Variants in MIR2052HG observed in about 807,000 individuals in gnomAD.
MIR2052HG encodes MIR2052 host gene.
chr8:74,753,554 T>C (rs1809970179), intron 5 of MIR2052HG, among the ~76,000 whole-genome samples: 1 of 152,200 alleles, frequency 6.6e-6, no homozygotes, highest in Non-Finnish European at 1.5e-5. Context: ...ACTTTTCTTC[T>C]GTCTTTGAGA....
chr8:74,718,507 C>G (rs1168574569), intron 4 of MIR2052HG, among the ~76,000 whole-genome samples: 1 of 152,062 alleles, frequency 6.6e-6, no homozygotes, highest in African/African-American at 2.4e-5. Context: ...AAGGAGAGGG[C>G]ATACTTCTTC....
intron 2 of MIR2052HG, among the ~76,000 whole-genome samples, chr8:74,685,682 A>G (rs892741919): frequency 6.6e-6 from 1 of 152,106 alleles, no homozygotes; most frequent in African/African-American, 2.4e-5. Context: ...TATGGATCAG[A>G]AGAGCTAGCA....
In MIR2052HG at chr8:74,613,595, C is replaced by T. The variant is rs554572800; in HGVS notation, n.216+655C>T. Reference sequence around the variant, plus strand: ...CGCCTCCCGGGTTCAAGCAATTCTCCCTGCCTCAGCCTCCCAAGTAGCTGG... The same window carrying T: ...CGCCTCCCGGGTTCAAGCAATTCTCTCTGCCTCAGCCTCCCAAGTAGCTGG... On this transcript the variant is annotated intron_variant and non_coding_transcript_variant, in intron 2 of 6. Transcript: ENST00000523442. 9.2e-5 allele frequency among the ~76,000 whole-genome samples: 14 copies of T among 152,232 alleles called. No homozygotes were observed. The South Asian group carries it at 2.9e-3, about 32-fold the overall frequency.
intron 2 of MIR2052HG, among the ~76,000 whole-genome samples, chr8:74,652,363 A>G (rs1272244007): frequency 6.6e-6 from 1 of 152,162 alleles, no homozygotes; most frequent in Non-Finnish European, 1.5e-5. Context: ...TCACTTCTGC[A>G]GTGATGAAAA....
chr8:74,649,342 G>C (rs949790145), intron 2 of MIR2052HG, among the ~76,000 whole-genome samples: 1 of 151,950 alleles, frequency 6.6e-6, no homozygotes, highest in Non-Finnish European at 1.5e-5. Flanking sequence ...ATTTTTGTGT[G>C]TGTGATTTAG....
chr8:74,701,905 G>A (rs1470934667), intron 2 of MIR2052HG, among the ~76,000 whole-genome samples: 1 of 152,060 alleles, frequency 6.6e-6, no homozygotes, highest in Non-Finnish European at 1.5e-5. Context: ...CTTATGGCAT[G>A]CAATGACAAA....
chr8:74,659,076 T>C (rs1365596738), intron 2 of MIR2052HG, among the ~76,000 whole-genome samples: 1 of 152,260 alleles, frequency 6.6e-6, no homozygotes, highest in East Asian at 1.9e-4. Context: ...CGCACTGTTT[T>C]CTTTTTCCCC....
intron 1 of MIR2052HG, among the ~76,000 whole-genome samples, chr8:74,604,828 A>T (rs188873260): frequency 3.3e-5 from 5 of 152,038 alleles, no homozygotes; most frequent in African/African-American, 1.2e-4. Flanking sequence ...TCCTGACCTC[A>T]AGTGATCCTT....
intron 2 of MIR2052HG, among the ~76,000 whole-genome samples, chr8:74,619,438 G>C (rs1257828256): frequency 6.6e-6 from 1 of 152,122 alleles, no homozygotes; most frequent in African/African-American, 2.4e-5. Flanking sequence ...AATTATATTT[G>C]TCTATTCACA....
At chr8:74,628,086 C>T (rs1808459721) in intron 2 of MIR2052HG, among the ~76,000 whole-genome samples, 1 of 152,070 alleles carries the variant, frequency 6.6e-6, no homozygotes, top group South Asian at 2.1e-4. Flanking sequence ...TCATTGTTAA[C>T]ATGGGCACGA....
intron 2 of MIR2052HG, among the ~76,000 whole-genome samples, chr8:74,620,312 G>A (rs1204038924): frequency 2.0e-5 from 3 of 152,174 alleles, no homozygotes; most frequent in Non-Finnish European, 4.4e-5. Context: ...TACCATTCTG[G>A]GGTCTGGAGA....
chr8:74,756,921 G>C (rs908483817), intron 5 of MIR2052HG: 3 of 152,176 alleles, frequency 2.0e-5, no homozygotes, highest in African/African-American at 7.2e-5. Flanking sequence ...AGTACTCATT[G>C]GTCCTGGAGT....
At chr8:74,607,837 T>G (rs1280093998) in intron 1 of MIR2052HG, among the ~76,000 whole-genome samples, 1 of 152,224 alleles carries the variant, frequency 6.6e-6, no homozygotes, top group Non-Finnish European at 1.5e-5. Context: ...ACAGCCTTCC[T>G]GTCTTAAGGG....
intron 4 of MIR2052HG, among the ~76,000 whole-genome samples, chr8:74,706,605 T>C (rs1375090010): frequency 6.6e-6 from 1 of 152,082 alleles, no homozygotes; most frequent in Non-Finnish European, 1.5e-5. Flanking sequence ...TTCTCTTGTA[T>C]CATTGTTTCA....
intron 5 of MIR2052HG, among the ~76,000 whole-genome samples, chr8:74,756,017 A>G (rs1034577626): frequency 1.3e-5 from 2 of 152,188 alleles, no homozygotes; most frequent in Non-Finnish European, 2.9e-5. Flanking sequence ...CACCAGCAGC[A>G]CTGAGGTGGG....
chr8:74,604,203 G>A, intron 1 of MIR2052HG: 1 of 905,654 alleles, frequency 1.1e-6, no homozygotes, highest in Non-Finnish European at 1.9e-6. Flanking sequence ...GTCGGATGGT[G>A]AGAGTGATAT....
chr8:74,670,646 A>G (rs1016437131), intron 2 of MIR2052HG, among the ~76,000 whole-genome samples: 3 of 152,190 alleles, frequency 2.0e-5, no homozygotes, highest in African/African-American at 7.2e-5. Flanking sequence ...TAAACAAAAC[A>G]TGGAAGGACT....
intron 2 of MIR2052HG, among the ~76,000 whole-genome samples, chr8:74,654,596 T>G (rs1466682318): frequency 2.0e-5 from 3 of 152,178 alleles, no homozygotes; most frequent in African/African-American, 4.8e-5. Flanking sequence ...CATTTTCTCT[T>G]GCCGCTGTTA....
At chr8:74,665,793 TG>T (rs1808916934) in intron 2 of MIR2052HG, among the ~76,000 whole-genome samples, 1 of 152,192 alleles carries the variant, frequency 6.6e-6, no homozygotes, top group South Asian at 2.1e-4. Context: ...CATGTGTCCT[TG>T]GAGGTAATTG....
Sources: gnomAD v4.1 joint callset for allele counts (sites outside exome capture counted in the v4.1 genomes callset) on GRCh38, gnomAD v4.1.1 for gene constraint, MANE v1.5 for transcripts, NCBI Gene and HGNC (gene_info 2026-07-23, HGNC 2026-07-21) for gene names.